The following IREB2 variants were observed in gnomAD, a reference collection of about 807,000 sequenced individuals.
IREB2 encodes the protein iron-responsive element-binding protein 2.
IREB2 carries 39 observed loss-of-function variants against 118.8 expected under a neutral mutation model. The observed-to-expected ratio is 0.33, with a 90% CI of 0.25 to 0.43. The LOEUF is 0.43. Among genes scored for constraint, IREB2 ranks in the 20% least tolerant of loss-of-function variants. The pLI, the probability that IREB2 is intolerant of heterozygous loss-of-function variation, is 1.00. For synonymous variants in IREB2, 372 were observed against 392.2 expected (o/e 0.95, Z 0.61); for missense variants, 900 against 1,147.3 (o/e 0.78, Z 3.11).
chr15:78,490,835 G>T, intron 18 of IREB2, 74 bp downstream of exon 18: 4 of 1,389,106 alleles, frequency 2.9e-6, no homozygotes, highest in Non-Finnish European at 2.0e-6. Flanking sequence ...TATTGGTCTT[G>T]TTCCTTTTTT....
chr15:78,479,626 T>C (rs765166336), intron 10 of IREB2, among the ~76,000 whole-genome samples: 3 of 152,320 alleles, frequency 2.0e-5, no homozygotes, highest in Non-Finnish European at 2.9e-5. Flanking sequence ...AAGAGTAATA[T>C]CTCCCTTCAG....
chr15:78,448,081 C>A (rs2050961043), intron 2 of IREB2, among the ~76,000 whole-genome samples: 1 of 152,216 alleles, frequency 6.6e-6, no homozygotes, highest in Admixed American at 6.5e-5. Flanking sequence ...AAATCTTATG[C>A]AGGAATCTGT....
intron 18 of IREB2, 142 bp from the exon 19 acceptor site, chr15:78,493,767 G>A: frequency 3.1e-6 from 2 of 652,956 alleles, no homozygotes; most frequent in Non-Finnish European, 5.2e-6. Flanking sequence ...TTGGTGATAG[G>A]CGCATGGACA....
At chr15:78,469,782 C>G (rs1292486419) in intron 5 of IREB2, among the ~76,000 whole-genome samples, 1 of 152,136 alleles carries the variant, frequency 6.6e-6, no homozygotes, top group South Asian at 2.1e-4. Flanking sequence ...TATCTGGTCC[C>G]TGGAGGACAC....
intron 1 of IREB2, among the ~76,000 whole-genome samples, chr15:78,439,386 C>T (rs1284555020): frequency 1.3e-5 from 2 of 152,024 alleles, no homozygotes; most frequent in African/African-American, 4.8e-5. Context: ...CCTGTCTCTG[C>T]AGTTTTCAAG....
chr15:78,458,786 C>T (rs2051147882), intron 2 of IREB2, among the ~76,000 whole-genome samples: 1 of 152,158 alleles, frequency 6.6e-6, no homozygotes, highest in Non-Finnish European at 1.5e-5. Flanking sequence ...CTGGAACATA[C>T]TAGAAAAGTC....
chr15:78,439,668 A>G (rs72738715), intron 1 of IREB2, 127 bp from the exon 2 acceptor site: 67,160 of 604,356 alleles, frequency 0.11, 4,351 homozygotes, highest in Non-Finnish European at 0.13. Context: ...ACTTTACTGG[A>G]CAGCTCAAAC....
Position 78,470,417 on chromosome 15 carries a change from A to G in IREB2, c.630-115A>G, listed in dbSNP as rs1366567030. 3 of 580,096 alleles carry G rather than the reference A, an allele frequency of 5.2e-6. No individual in the cohort carries two copies. The highest frequency in any genetic ancestry group is 6.1e-6 in the Non-Finnish European group (2 of 329,982). The allele number at this position is 580,096 out of a possible 1,614,324, so 35.9% of individuals were successfully genotyped here. On this transcript the variant is annotated intron_variant, in intron 5 of 21. Transcript: ENST00000258886. ...AGAAACCTAGTAAATAGTTCTTCCA[A>G]GGATTTTAAGAATATATTTGTGTAT...
At chr15:78,459,497 A>G (rs1192906137) in intron 2 of IREB2, among the ~76,000 whole-genome samples, 1 of 152,062 alleles carries the variant, frequency 6.6e-6, no homozygotes, top group Non-Finnish European at 1.5e-5. Context: ...TTACAGGTGC[A>G]TGCCACCATG....
Position 78,488,663 on chromosome 15 carries a change from C to T in IREB2, c.1968C>T (p.Gly656=), listed in dbSNP as rs2051699937. The T allele has an allele frequency of 6.2e-7, 1 of 1,610,328 alleles. No homozygotes were observed. The highest frequency in any genetic ancestry group is 1.3e-5 in the African/African-American group (1 of 74,610). ...QTEPLGTDPT[G]KNIYLHDIWP... Reference sequence around the variant, plus strand: ...TTTAACCAGGTACTGACCCCACCGGCAAGAACATTTACCTGCATGATATTT... The same window carrying T: ...TTTAACCAGGTACTGACCCCACCGGTAAGAACATTTACCTGCATGATATTT... The change falls in exon 16 of 22, where the codon GGC becomes GGT. Residue 656 remains glycine, a synonymous_variant. Transcript: ENST00000258886.
intron 9 of IREB2, among the ~76,000 whole-genome samples, chr15:78,477,169 A>G (rs1226143647): frequency 6.6e-6 from 1 of 152,224 alleles, no homozygotes; most frequent in African/African-American, 2.4e-5. Context: ...TTCAAAGTAG[A>G]AATGGTTAGA....
At chr15:78,496,843 G>A (rs1419274669) in intron 20 of IREB2, among the ~76,000 whole-genome samples, 1 of 152,134 alleles carries the variant, frequency 6.6e-6, no homozygotes. Flanking sequence ...TGGGGTCAAG[G>A]GAGCCGGCCC....
intron 18 of IREB2, among the ~76,000 whole-genome samples, chr15:78,492,120 A>C (rs867229090): frequency 6.6e-6 from 1 of 152,238 alleles, no homozygotes; most frequent in South Asian, 2.1e-4. Context: ...ACAAATTTAG[A>C]ATATTGTTGC....
intron 21 of IREB2, 41 bp downstream of exon 21, chr15:78,497,352 T>A (rs1393779155): frequency 1.5e-6 from 2 of 1,339,206 alleles, no homozygotes; most frequent in Non-Finnish European, 2.1e-6. Flanking sequence ...TGCACTCAAA[T>A]GTTTATGAAT....
In IREB2 at chr15:78,476,227, T is replaced by G; in HGVS notation, c.1063T>G (p.Phe355Val). Reference sequence around the variant, plus strand: ...AGGAGTGGCTGGAAAGTTTGTTGAGTTTTTTGGAAGTGGAGTTTCACAATT... The same window carrying G: ...AGGAGTGGCTGGAAAGTTTGTTGAGGTTTTTGGAAGTGGAGTTTCACAATT... ...QVGVAGKFVE[F>V]FGSGVSQLSI... Residue 355 changes from phenylalanine to valine, a missense_variant, in exon 9 of 22, where the codon TTT becomes GTT. By Grantham distance (50) the Phe-to-Val change is conservative. Transcript: ENST00000258886. 6.2e-7 allele frequency: 1 copy of G among 1,601,020 alleles called. No individual in the cohort carries two copies. The highest frequency in any genetic ancestry group is 8.5e-7 in the Non-Finnish European group (1 of 1,170,324).
chr15:78,477,910 G>A (rs1448216858), intron 9 of IREB2, among the ~76,000 whole-genome samples: 1 of 151,958 alleles, frequency 6.6e-6, no homozygotes, highest in Admixed American at 6.6e-5. Context: ...GACACAGTGA[G>A]ACCCTGTTTC....
intron 4 of IREB2, among the ~76,000 whole-genome samples, chr15:78,465,915 T>A (rs184629065): frequency 1.3e-3 from 200 of 152,300 alleles, no homozygotes; most frequent in African/African-American, 4.8e-3. Context: ...TTATAGCCCA[T>A]GAGAGAGGTT....
At chr15:78,497,026 GTAT>G in intron 20 of IREB2, 97 bp from the exon 21 acceptor site, 1 of 772,918 alleles carries the variant, frequency 1.3e-6, no homozygotes, top group Non-Finnish European at 2.2e-6. Context: ...TAGACTAAAA[GTAT>G]TTAGAGAAAG....
chr15:78,479,610 TATGATAAGAGTA>T (rs2051531834), intron 10 of IREB2, among the ~76,000 whole-genome samples: 1 of 152,174 alleles, frequency 6.6e-6, no homozygotes, highest in Admixed American at 6.5e-5. Flanking sequence ...ATTTCTACTT[TATGATAAGAGTA>T]ATATCTCCCT....
Sources: gnomAD v4.1 joint callset for allele counts (sites outside exome capture counted in the v4.1 genomes callset) on GRCh38, gnomAD v4.1.1 for gene constraint, MANE v1.5 for transcripts, NCBI Gene and HGNC (gene_info 2026-07-23, HGNC 2026-07-21) for gene names.